HLCS: variants seen among roughly 807,000 people sequenced by gnomAD.
HLCS encodes the protein biotin--protein ligase.
A neutral mutation model predicts 75.0 loss-of-function variants in HLCS; 53 were observed. That is an observed-to-expected ratio of 0.71 (90% CI 0.57 to 0.89). HLCS has a LOEUF of 0.89. Among genes scored for constraint, HLCS ranks in the 40% least tolerant of loss-of-function variants. The pLI is 0.00. For synonymous variants in HLCS, 431 were observed against 428.6 expected (o/e 1.01, Z -0.07); for missense variants, 966 against 1,074.0 (o/e 0.90, Z 1.41).
intron 2 of HLCS, among the ~76,000 whole-genome samples, chr21:36,948,642 T>C (rs979412551): frequency 1.4e-5 from 2 of 138,282 alleles, no homozygotes; most frequent in Non-Finnish European, 3.0e-5. Flanking sequence ...GGTGGGAGGA[T>C]GGATTGAGCC....
At chr21:36,844,494 C>T (rs758208261) in intron 6 of HLCS, among the ~76,000 whole-genome samples, 9 of 152,124 alleles carry the variant, frequency 5.9e-5, no homozygotes, top group Non-Finnish European at 4.4e-5. Context: ...TGCTTCCTCC[C>T]GCCTTCTAAG....
intron 8 of HLCS, among the ~76,000 whole-genome samples, chr21:36,761,760 C>T (rs1174145322): frequency 6.6e-6 from 1 of 152,324 alleles, no homozygotes; most frequent in East Asian, 1.9e-4. Context: ...ATCACTGCCC[C>T]CAGTTCCCTT....
In HLCS at chr21:36,752,631, G is replaced by T. The variant is rs940693100; in HGVS notation, c.*1615C>A. On this transcript the variant is annotated 3_prime_UTR_variant, in exon 11 of 11. Coordinates refer to ENST00000674895, the MANE Select transcript of HLCS (RefSeq NM_001352514.2). ...AGGCTTGGGCATTTGGAGAAGAGTG[G>T]TTTTTTTTGTGTTTTTTGTTTGTTT... 6.6e-5 allele frequency: 10 copies of T among 152,186 alleles called. No individual in the cohort carries two copies. The highest frequency in any genetic ancestry group is 1.7e-4 in the African/African-American group (7 of 41,230). 9.4% of individuals were successfully genotyped at this position (152,186 alleles called of 1,614,324 possible). A position where few individuals can be genotyped will look rare whatever the true frequency, so the allele number is the denominator to read the frequency against.
At chr21:36,914,234 C>G (rs959129328) in intron 5 of HLCS, among the ~76,000 whole-genome samples, 1 of 152,212 alleles carries the variant, frequency 6.6e-6, no homozygotes, top group Non-Finnish European at 1.5e-5. Flanking sequence ...CGTCCCCTCT[C>G]ACATCCAGCC....
At chr21:36,931,859 A>T (rs1022267858) in intron 4 of HLCS, among the ~76,000 whole-genome samples, 3 of 152,228 alleles carry the variant, frequency 2.0e-5, no homozygotes, top group Admixed American at 6.5e-5. Context: ...GGGAAAAAGA[A>T]ATCACTTCCC....
intron 6 of HLCS, among the ~76,000 whole-genome samples, chr21:36,838,298 TCA>T (rs148428941): frequency 0.026 from 3,358 of 126,834 alleles, 62 homozygotes; most frequent in African/African-American, 0.078. Context: ...GGGTGAATGA[TCA>T]CACACACACA....
chr21:36,944,145 C>A (rs953790858), intron 2 of HLCS: 1 of 152,124 alleles, frequency 6.6e-6, no homozygotes, highest in African/African-American at 2.4e-5. Context: ...CAAAAGGTCA[C>A]ATATTGTAAT....
In HLCS at chr21:36,957,494, C is replaced by T. The variant is rs75136251; in HGVS notation, c.330+4542G>A. 8.0e-3 allele frequency among the ~76,000 whole-genome samples: 1,221 copies of T among 152,236 alleles called. 16 individuals are homozygous for T. Among genetic ancestry groups the T allele is most frequent in the African/African-American group, 0.028 (1,161 of 41,526 alleles). ...TAATACAGTTACCATATGACAAGGC[C>T]TCTTTGTAGTTCAAAAAGAAAAGCC... is the stretch of plus-strand genomic sequence containing the variant. On this transcript the variant is annotated intron_variant, in intron 2 of 10. Coordinates refer to ENST00000674895, the MANE Select transcript of HLCS (RefSeq NM_001352514.2).
At chr21:36,869,348 G>T (rs954464655) in intron 6 of HLCS, among the ~76,000 whole-genome samples, 13 of 152,104 alleles carry the variant, frequency 8.5e-5, no homozygotes, top group Admixed American at 6.5e-5. Context: ...TAGCCAGGAT[G>T]ATCTCGATCT....
In HLCS at chr21:36,754,386, C is replaced by T. The variant is rs780500206; in HGVS notation, c.2482G>A (p.Gly828Arg). 6.2e-7 allele frequency: 1 copy of T among 1,613,606 alleles called. No homozygotes were observed. Among genetic ancestry groups the T allele is most frequent in the Non-Finnish European group, 8.5e-7 (1 of 1,179,970 alleles). ...GQQVHLGSAE[G>R]PKVSIVGLDD... The stretch of plus-strand genomic sequence containing the variant: ...AGGCCAACGATGGACACCTTTGGTC[C>T]CTCTGCGCTGCCCAGATGGACTTGC... Residue 828 changes from glycine to arginine, a missense_variant, in exon 11 of 11, where the codon GGA (glycine) becomes AGA (arginine). By Grantham distance (125) the Gly-to-Arg change is moderately radical. Transcript: ENST00000674895.
At position 36,903,849 on chromosome 21, in the gene HLCS, G is replaced by A. The variant is rs116403840; in HGVS notation, c.1621-6718C>T. Among the ~76,000 whole-genome samples, 1,057 of 152,286 alleles carry A rather than the reference G, an allele frequency of 6.9e-3. 14 individuals carry two copies. Among genetic ancestry groups the A allele is most frequent in the African/African-American group, 0.025 (1,030 of 41,544 alleles). The stretch of plus-strand genomic sequence containing the variant: ...ATAATCCCCCAATTATATGTTGATG[G>A]TACTTGGAGGTGGGGCCTTTGGGAA... On this transcript the variant is annotated intron_variant, in intron 5 of 10. Transcript: ENST00000674895.
intron 2 of HLCS, among the ~76,000 whole-genome samples, chr21:36,939,811 T>C (rs1375900629): frequency 6.6e-6 from 1 of 152,164 alleles, no homozygotes; most frequent in African/African-American, 2.4e-5. Context: ...CAAAGGCAAC[T>C]AATCATCACT....
chr21:36,987,950 G>A (rs1450403601), intron 1 of HLCS, among the ~76,000 whole-genome samples: 1 of 152,212 alleles, frequency 6.6e-6, no homozygotes, highest in Non-Finnish European at 1.5e-5. Flanking sequence ...TCAAAGAGCT[G>A]TGTTCAAAGT....
rs116076595 is a variant in HLCS, at chr21:36,802,574, G to A, written c.1893-35289C>T. On this transcript the variant is annotated intron_variant, in intron 6 of 10. Coordinates refer to ENST00000674895, the MANE Select transcript of HLCS (RefSeq NM_001352514.2). ...GCCATTTTCCAGGTGAAGAAACTGCGGCTTGGAGAAGTCATTTAGCATCCA... is the reference window on the plus strand; with the variant it reads ...GCCATTTTCCAGGTGAAGAAACTGCAGCTTGGAGAAGTCATTTAGCATCCA... Among the ~76,000 whole-genome samples the A allele has an allele frequency of 6.6e-3, 1,000 of 152,276 alleles. 8 individuals are homozygous for A. The highest frequency in any genetic ancestry group is 0.023 in the African/African-American group (942 of 41,540).
At chr21:36,961,495 G>T (rs1242857855) in intron 2 of HLCS, among the ~76,000 whole-genome samples, 1 of 152,094 alleles carries the variant, frequency 6.6e-6, no homozygotes, top group Non-Finnish European at 1.5e-5. Context: ...TCCAGCCTAG[G>T]TGACACAATA....
intron 6 of HLCS, among the ~76,000 whole-genome samples, chr21:36,779,433 A>G (rs1051119072): frequency 1.3e-5 from 2 of 152,052 alleles, no homozygotes; most frequent in South Asian, 2.1e-4. Context: ...ATAAACTCCA[A>G]TCCAATCCAA....
intron 5 of HLCS, among the ~76,000 whole-genome samples, chr21:36,927,574 C>T (rs1056656520): frequency 2.0e-5 from 3 of 152,142 alleles, no homozygotes; most frequent in Admixed American, 2.0e-4. Context: ...TCTTTCATAT[C>T]CCATACTATA....
rs137945131 is a variant in HLCS, at chr21:36,910,654, G to A, written c.1621-13523C>T. 1.3e-4 allele frequency among the ~76,000 whole-genome samples: 20 copies of A among 152,006 alleles called. 1 individual carries two copies. The highest frequency in any genetic ancestry group is 1.2e-3 in the Admixed American group (19 of 15,280). ...CCCTTGGGGTGGGCGTTTATTCAGC[G>A]TGCCAGTACCAAGCAAAGCAAGGCT... On this transcript the variant is annotated intron_variant, in intron 5 of 10. Coordinates refer to ENST00000674895, the MANE Select transcript of HLCS (RefSeq NM_001352514.2).
intron 6 of HLCS, among the ~76,000 whole-genome samples, chr21:36,805,616 C>G (rs922462467): frequency 2.6e-5 from 4 of 152,124 alleles, no homozygotes; most frequent in African/African-American, 4.8e-5. Flanking sequence ...CTGGTCCTCC[C>G]GAGTCCTCCC....
Sources: allele counts gnomAD v4.1 joint callset (sites outside exome capture counted in the v4.1 genomes callset), GRCh38; gene constraint gnomAD v4.1.1; transcripts MANE v1.5; gene names NCBI Gene and HGNC (gene_info 2026-07-23, HGNC 2026-07-21).